Variants in GABRB1 observed in about 807,000 individuals in gnomAD.
The protein encoded by GABRB1 is gamma-aminobutyric acid type A receptor subunit beta1, also known as gamma-aminobutyric acid receptor subunit beta-1.
In GABRB1, 17 loss-of-function variants were observed where a neutral mutation model predicts 51.6. The ratio of observed to expected loss-of-function variants is 0.33; its 90% CI spans 0.23 to 0.49. GABRB1 has a LOEUF of 0.49. Among genes scored for constraint, GABRB1 ranks in the 20% least tolerant of loss-of-function variants. The probability of loss-of-function intolerance (pLI) is 0.99; values close to 1 mark genes in which losing one functional copy is unlikely to be tolerated. For synonymous variants in GABRB1, 247 were observed against 218.9 expected (o/e 1.13, Z -1.14); for missense variants, 410 against 600.6 (o/e 0.68, Z 3.32).
rs574822027 is a variant in GABRB1 at position 47,253,887 on chromosome 4, A to C, written c.462-66240A>C. On this transcript the variant is annotated intron_variant, in intron 4 of 8. Coordinates refer to ENST00000295454, the MANE Select transcript of GABRB1 (RefSeq NM_000812.4). ...TTGCTTTAGTAAAATAGTTAATGGA[A>C]TGGTAATTGTATACTTTATTGAATG... Among the ~76,000 whole-genome samples the C allele has an allele frequency of 4.6e-5, 7 of 152,338 alleles. No homozygotes were observed. The South Asian group carries it at 1.4e-3, about 32-fold the overall frequency.
chr4:47,172,970 G>T (rs1199007131), intron 4 of GABRB1, among the ~76,000 whole-genome samples: 4 of 151,968 alleles, frequency 2.6e-5, no homozygotes, highest in African/African-American at 9.7e-5. Flanking sequence ...GAGCTATTAG[G>T]GTAGAGCCCA....
intron 2 of GABRB1, among the ~76,000 whole-genome samples, 189 bp downstream of exon 2, chr4:47,032,194 C>T (rs1236932317): frequency 6.6e-6 from 1 of 150,754 alleles, no homozygotes; most frequent in African/African-American, 2.4e-5. Context: ...GATGAATCCT[C>T]AGGCGGAGGC....
rs59902564 is a variant in GABRB1 at position 47,013,139 on chromosome 4, C to CTGTGTG, written c.-19-18755_-19-18750dup. Among the ~76,000 whole-genome samples the CTGTGTG allele has an allele frequency of 3.5e-3, 525 of 149,098 alleles. 1 individual carries two copies. The highest frequency in any genetic ancestry group is 8.0e-3 in the East Asian group (41 of 5,102). ...GTGCATTAGACCAACAAATTGCATT[C>CTGTGTG]TGTGTGTGTGTGTGTGTGTGTGTGT... On this transcript the variant is annotated intron_variant, in intron 1 of 3. Coordinates refer to the GABRB1 transcript ENST00000513567.
chr4:47,017,632 T>G (rs567966754), intron 1 of GABRB1, among the ~76,000 whole-genome samples: 1 of 150,436 alleles, frequency 6.6e-6, no homozygotes, highest in Non-Finnish European at 1.5e-5. Flanking sequence ...TTTTTCACAC[T>G]CACACACACA....
chr4:47,042,224 T>C (rs538119683), intron 3 of GABRB1, among the ~76,000 whole-genome samples: 2 of 151,340 alleles, frequency 1.3e-5, no homozygotes, highest in Non-Finnish European at 3.0e-5. Flanking sequence ...ATTCAGAAAT[T>C]AATAGTTTCT....
chr4:47,425,618 T>A, intron 8 of GABRB1, 56 bp from the exon 9 acceptor site: 1 of 1,371,302 alleles, frequency 7.3e-7, no homozygotes. Context: ...AACAGGTTAA[T>A]GAAAACAGGC....
At chr4:47,099,873 T>C (rs988960543) in intron 3 of GABRB1, among the ~76,000 whole-genome samples, 3 of 152,004 alleles carry the variant, frequency 2.0e-5, no homozygotes, top group African/African-American at 7.2e-5. Context: ...GTAAACAAGC[T>C]TCTTAGTTAA....
rs768077863 is a variant in GABRB1 at position 47,403,439 on chromosome 4, G to T, written c.666G>T (p.Lys222Asn). The change falls in exon 6 of 9, where the codon AAG becomes AAT. Residue 222 changes from lysine to asparagine, a missense_variant. Transcript: ENST00000295454. ...TTGACTACAAGATGGTGTCTAAGAAGGTGGAGTTCACAACAGGTGAGGTTG... is the reference window on the plus strand; with the variant it reads ...TTGACTACAAGATGGTGTCTAAGAATGTGGAGTTCACAACAGGTGAGGTTG... ...SIVDYKMVSK[K>N]VEFTTGAYPR... 6.2e-7 allele frequency: 1 copy of T among 1,613,926 alleles called. No individual in the cohort carries two copies. Among genetic ancestry groups the T allele is most frequent in the African/African-American group, 1.3e-5 (1 of 74,918 alleles).
intron 5 of GABRB1, among the ~76,000 whole-genome samples, chr4:47,354,053 T>C (rs746529393): frequency 1.3e-5 from 2 of 152,176 alleles, no homozygotes; most frequent in Non-Finnish European, 2.9e-5. Context: ...AAATAGTTAC[T>C]GCTCTGAAGT....
At chr4:47,379,776 A>T (rs1727529720) in intron 5 of GABRB1, among the ~76,000 whole-genome samples, 1 of 152,230 alleles carries the variant, frequency 6.6e-6, no homozygotes, top group Admixed American at 6.5e-5. Context: ...AGTATGAATT[A>T]GTAATATGAA....
At chr4:47,251,002 T>TG (rs958069051) in intron 4 of GABRB1, among the ~76,000 whole-genome samples, 25 of 152,094 alleles carry the variant, frequency 1.6e-4, no homozygotes, top group African/African-American at 5.1e-4. Context: ...TATTATTTCT[T>TG]GGGGGGGTGT....
intron 5 of GABRB1, among the ~76,000 whole-genome samples, chr4:47,394,069 A>G (rs1019410206): frequency 1.2e-4 from 19 of 152,234 alleles, no homozygotes; most frequent in African/African-American, 4.6e-4. Context: ...TGTCTGTGGC[A>G]GAGAAGAGTC....
At chr4:47,195,393 A>AT (rs1208889290) in intron 4 of GABRB1, among the ~76,000 whole-genome samples, 6 of 35,564 alleles carry the variant, frequency 1.7e-4, no homozygotes, top group African/African-American at 5.1e-4. Context: ...AGATAGATAG[A>AT]TGATAGATAG....
chr4:47,031,083 T>C (rs148787563), upstream of GABRB1, among the ~76,000 whole-genome samples: 640 of 152,168 alleles, frequency 4.2e-3, 5 homozygotes, highest in African/African-American at 0.014. Flanking sequence ...CGTCCTGAGT[T>C]TCCTCTGTAC....
intron 8 of GABRB1, among the ~76,000 whole-genome samples, chr4:47,423,837 A>G (rs2110069192): frequency 6.6e-6 from 1 of 152,316 alleles, no homozygotes; most frequent in Middle Eastern, 3.4e-3. Context: ...GATAACATAT[A>G]TGTCTTAGTG....
intron 3 of GABRB1, among the ~76,000 whole-genome samples, chr4:47,127,262 A>G (rs1431711507): frequency 5.9e-5 from 9 of 151,974 alleles, no homozygotes; most frequent in African/African-American, 1.9e-4. Flanking sequence ...CTTATAATTT[A>G]TAAAGAACTG....
chr4:47,354,896 C>T (rs536813690), intron 5 of GABRB1, among the ~76,000 whole-genome samples: 59 of 107,036 alleles, frequency 5.5e-4, no homozygotes, highest in Admixed American at 1.2e-3. Flanking sequence ...CTTTTGAAGG[C>T]CTTCCTACCT....
At chr4:47,384,403 C>A (rs1222864573) in intron 5 of GABRB1, among the ~76,000 whole-genome samples, 2 of 141,872 alleles carry the variant, frequency 1.4e-5, no homozygotes, top group African/African-American at 2.6e-5. Context: ...GAAAAGTGAC[C>A]CCCACACCAA....
intron 4 of GABRB1, among the ~76,000 whole-genome samples, chr4:47,220,610 C>T (rs1370243871): frequency 6.6e-6 from 1 of 151,906 alleles, no homozygotes; most frequent in African/African-American, 2.4e-5. Context: ...CCTCCGAAAA[C>T]CTTCTTTCTA....
Sources: gnomAD v4.1 joint callset for allele counts (sites outside exome capture counted in the v4.1 genomes callset) on GRCh38, gnomAD v4.1.1 for gene constraint, MANE v1.5 for transcripts, NCBI Gene and HGNC (gene_info 2026-07-23, HGNC 2026-07-21) for gene names.